The following VPS13C variants were observed in gnomAD, a reference collection of about 807,000 sequenced individuals.
VPS13C encodes the protein vacuolar protein sorting 13 homolog C.
Under a neutral mutation model 456.8 loss-of-function variants are expected in VPS13C, and 358 were observed. The ratio of observed to expected loss-of-function variants is 0.78; its 90% CI spans 0.72 to 0.86. The LOEUF (loss-of-function observed/expected upper bound fraction) is 0.86. Ranked by LOEUF, VPS13C falls within the 40% of genes least tolerant of loss-of-function variation. The pLI is 0.00. For missense variants in VPS13C, 4,818 were observed against 4,385.4 expected (o/e 1.10, Z -2.79); for synonymous variants, 1,578 against 1,486.7 (o/e 1.06, Z -1.41).
At chr15:61,879,527 G>T (rs1418780284) in intron 73 of VPS13C, 1 of 152,008 alleles carries the variant, frequency 6.6e-6, no homozygotes, top group East Asian at 1.9e-4. Context: ...CTAGGGCAAT[G>T]TTACTTATGG....
intron 27 of VPS13C, among the ~76,000 whole-genome samples, chr15:61,971,293 G>A (rs1045054425): frequency 1.3e-5 from 2 of 152,170 alleles, no homozygotes; most frequent in East Asian, 1.9e-4. Context: ...ACAAAGTCTT[G>A]CTCTGTCACC....
intron 14 of VPS13C, 61 bp downstream of exon 14, chr15:62,008,594 G>T: frequency 8.2e-7 from 1 of 1,215,540 alleles, no homozygotes; most frequent in South Asian, 1.7e-5. Context: ...GCTTAACTCT[G>T]AGAGTAACTA....
intron 9 of VPS13C, among the ~76,000 whole-genome samples, chr15:62,014,555 T>C (rs1288969971): frequency 6.6e-6 from 1 of 152,100 alleles, no homozygotes; most frequent in Non-Finnish European, 1.5e-5. Context: ...TAACTTTAGA[T>C]TTATAAGTTA....
chr15:62,028,131 A>G (rs1363162905), intron 6 of VPS13C, among the ~76,000 whole-genome samples: 2 of 152,090 alleles, frequency 1.3e-5, no homozygotes, highest in African/African-American at 4.8e-5. Flanking sequence ...CCCCACAAAC[A>G]TCCAGCATCA....
At chr15:61,965,422 ACT>A (rs1407599872) in intron 30 of VPS13C, among the ~76,000 whole-genome samples, 1 of 151,888 alleles carries the variant, frequency 6.6e-6, no homozygotes, top group African/African-American at 2.4e-5. Context: ...TAAAGCAATC[ACT>A]CTAGGAAGCT....
At chr15:61,898,249 A>G (rs1459945788) in intron 66 of VPS13C, among the ~76,000 whole-genome samples, 3 of 152,156 alleles carry the variant, frequency 2.0e-5, no homozygotes, top group Non-Finnish European at 4.4e-5. Flanking sequence ...TTCACATATA[A>G]CAATATTAAC....
At position 62,020,519 on chromosome 15, in the gene VPS13C, G is replaced by C. The variant is rs770842996; in HGVS notation, c.644C>G (p.Pro215Arg). ...YEDDVTDPKR[P>R]LSFGVTLGEL... Reference sequence around the variant, plus strand: ...TCCCAGTGTGACACCAAATGAAAGAGGCCGCTTTGGATCAGTGACCTACCA... The same window carrying C: ...TCCCAGTGTGACACCAAATGAAAGACGCCGCTTTGGATCAGTGACCTACCA... The change falls in exon 9 of 85, where the codon CCT (proline) becomes CGT (arginine). Residue 215 changes from proline to arginine, a missense_variant. By Grantham distance (103) the Pro-to-Arg change is moderately radical. Around this residue, in one of 3 missense-constraint regions of VPS13C, gnomAD observed 4,552 missense variants for 4,130.6 expected, o/e 1.10. Transcript: ENST00000644861. The C allele has an allele frequency of 6.2e-7, 1 of 1,611,546 alleles. No individual in the cohort carries two copies. The highest frequency in any genetic ancestry group is 8.5e-7 in the Non-Finnish European group (1 of 1,178,474).
At chr15:62,030,657 T>G (rs1156508798) in intron 5 of VPS13C, among the ~76,000 whole-genome samples, 1 of 152,054 alleles carries the variant, frequency 6.6e-6, no homozygotes, top group Non-Finnish European at 1.5e-5. Context: ...GACTAGTAAT[T>G]GGCCAAAAAT....
chr15:61,918,711 T>C (rs990287946), intron 58 of VPS13C, among the ~76,000 whole-genome samples: 1 of 152,062 alleles, frequency 6.6e-6, no homozygotes. Flanking sequence ...TGTCCAAAAT[T>C]TGAAACCTTT....
intron 66 of VPS13C, among the ~76,000 whole-genome samples, chr15:61,896,519 C>T (rs539465194): frequency 6.6e-6 from 1 of 152,304 alleles, no homozygotes; most frequent in East Asian, 1.9e-4. Flanking sequence ...GGGTCACTCC[C>T]ACCTGAATAC....
At chr15:61,893,455 C>A (rs1415999056) in intron 66 of VPS13C, among the ~76,000 whole-genome samples, 2 of 151,916 alleles carry the variant, frequency 1.3e-5, no homozygotes, top group Admixed American at 6.6e-5. Context: ...GAATTCATTA[C>A]CTCTAGACAC....
intron 40 of VPS13C, 24 bp from the exon 41 acceptor site, chr15:61,950,441 CACT>C: frequency 1.3e-6 from 2 of 1,574,448 alleles, no homozygotes; most frequent in Non-Finnish European, 1.7e-6. Context: ...AGAATTACAC[CACT>C]GAGTTTCAAA....
chr15:61,956,094 G>A (rs1324124453), intron 37 of VPS13C, among the ~76,000 whole-genome samples: 1 of 152,096 alleles, frequency 6.6e-6, no homozygotes, highest in Non-Finnish European at 1.5e-5. Flanking sequence ...ACTGACAGTG[G>A]ACTGAATAAT....
At chr15:61,933,103 T>C (rs1017916642) in intron 49 of VPS13C, among the ~76,000 whole-genome samples, 11 of 152,072 alleles carry the variant, frequency 7.2e-5, no homozygotes, top group Admixed American at 1.3e-4. Flanking sequence ...TGAGAAGTGA[T>C]AGAAAAAAGT....
rs755225123 is a variant in VPS13C at position 61,994,692 on chromosome 15, C to G, written c.1354-2890G>C. On this transcript the variant is annotated intron_variant, in intron 16 of 84. Coordinates refer to ENST00000644861, the MANE Select transcript of VPS13C (RefSeq NM_020821.3). Reference sequence around the variant, plus strand: ...GCAACCTCCACCTCCCGGGTTCAAGCGATTCTCCTGCCTCAGTCTCCCAAG... The same window carrying G: ...GCAACCTCCACCTCCCGGGTTCAAGGGATTCTCCTGCCTCAGTCTCCCAAG... 2.2e-4 allele frequency among the ~76,000 whole-genome samples: 34 copies of G among 151,824 alleles called. No homozygotes were observed. The South Asian group carries it at 3.3e-3, about 15-fold the overall frequency.
In VPS13C at chr15:61,962,777, T is replaced by C; in HGVS notation, c.3407A>G (p.Asp1136Gly). Residue 1136 changes from aspartate to glycine, a missense_variant, in exon 33 of 85, where the codon GAT becomes GGT. By Grantham distance (94) the Asp-to-Gly change is moderately conservative (BLOSUM62 -1). Transcript: ENST00000644861. ...FARLENIIVT[D>G]VDPKTVHKKA... The stretch of plus-strand genomic sequence containing the variant: ...CTTATGAACTGTCTTTGGATCAACA[T>C]CTGTGACAATAATATTTTCTAGTCG... The C allele has an allele frequency of 6.2e-7, 1 of 1,607,094 alleles. No individual in the cohort carries two copies. Among genetic ancestry groups the C allele is most frequent in the Admixed American group, 1.7e-5 (1 of 59,908 alleles).
chr15:61,951,805 G>C lies in VPS13C; in HGVS notation c.4456+19C>G. 6.3e-7 allele frequency: 1 copy of C among 1,598,462 alleles called. No homozygotes were observed. The highest frequency in any genetic ancestry group is 1.7e-4 in the Middle Eastern group (1 of 5,910). ...ATCTGCCTAATGAATAATTTACACA[G>C]ACAATATTTCACACTTACCAGTGAA... On this transcript the variant is annotated intron_variant, in intron 39 of 84. Transcript: ENST00000644861.
Position 62,028,378 on chromosome 15 carries a change from AC to A in VPS13C, c.427del (p.Val143PhefsTer48). ...CCCACCAGGCTTGATGTCCTTGTAA[AC>A]AAAGTTCTCCAAGCCATATATGAAC... ...GEFIYGLENFVYKDIKPGRKR... is the reference protein window; with the variant it reads ...GEFIYGLENFXYKDIKPGRKR... On this transcript the variant is annotated frameshift_variant, in exon 6 of 85. Transcript: ENST00000644861. LOFTEE classifies it high-confidence loss of function. 1.9e-6 allele frequency: 3 copies of A among 1,613,054 alleles called. No individual in the cohort carries two copies. The highest frequency in any genetic ancestry group is 2.5e-6 in the Non-Finnish European group (3 of 1,179,276).
At chr15:61,974,202 C>T in intron 25 of VPS13C, 86 bp downstream of exon 25, 2 of 1,349,082 alleles carry the variant, frequency 1.5e-6, no homozygotes, top group East Asian at 2.6e-5. Context: ...GGTCCTTTCA[C>T]TTATAAACCT....
Sources: gnomAD v4.1 joint callset for allele counts (sites outside exome capture counted in the v4.1 genomes callset) on GRCh38, gnomAD v4.1.1 for gene constraint, gnomAD v4.1.1 regional missense constraint, MANE v1.5 for transcripts, NCBI Gene and HGNC (gene_info 2026-07-23, HGNC 2026-07-21) for gene names.